The following CACNA2D3 variants were observed in gnomAD, a reference collection of about 807,000 sequenced individuals.
CACNA2D3 encodes voltage-dependent calcium channel subunit alpha-2/delta-3.
CACNA2D3 carries 60 observed loss-of-function variants against 160.6 expected under a neutral mutation model. The observed-to-expected ratio is 0.37, with a 90% CI of 0.30 to 0.46. The LOEUF (loss-of-function observed/expected upper bound fraction) is 0.46. Ranked by LOEUF, CACNA2D3 falls within the 20% of genes least tolerant of loss-of-function variation. CACNA2D3 has a pLI of 1.00. For synonymous variants in CACNA2D3, 558 were observed against 492.9 expected (o/e 1.13, Z -1.75); for missense variants, 1,205 against 1,365.0 (o/e 0.88, Z 1.85).
intron 11 of CACNA2D3, among the ~76,000 whole-genome samples, chr3:54,749,905 C>G (rs544545958): frequency 2.4e-4 from 36 of 152,274 alleles, no homozygotes; most frequent in African/African-American, 8.7e-4. Context: ...AGTACATTAC[C>G]TGACCCAGGG....
chr3:54,221,930 C>T (rs9917812), intron 2 of CACNA2D3, among the ~76,000 whole-genome samples: 13,864 of 151,808 alleles, frequency 0.091, 1,019 homozygotes, highest in East Asian at 0.41. Context: ...TTCACTGCAG[C>T]CTTGAACTCC....
chr3:54,599,306 C>T (rs1703019928), intron 9 of CACNA2D3, among the ~76,000 whole-genome samples: 1 of 152,204 alleles, frequency 6.6e-6, no homozygotes, highest in Non-Finnish European at 1.5e-5. Context: ...TCTAGAAAGA[C>T]TTGCTCAGAA....
intron 9 of CACNA2D3, among the ~76,000 whole-genome samples, chr3:54,626,813 TC>T (rs35054444): frequency 2.0e-5 from 3 of 152,156 alleles, no homozygotes; most frequent in Non-Finnish European, 2.9e-5. Flanking sequence ...ATGCATGTGT[TC>T]CTGGACATGC....
chr3:54,477,722 T>A (rs1162200136), intron 4 of CACNA2D3, among the ~76,000 whole-genome samples: 1 of 152,136 alleles, frequency 6.6e-6, no homozygotes, highest in Non-Finnish European at 1.5e-5. Context: ...GTGTCTGTCT[T>A]CCAACCACAT....
intron 27 of CACNA2D3, among the ~76,000 whole-genome samples, chr3:54,944,136 G>C (rs1399038026): frequency 6.6e-6 from 1 of 152,106 alleles, no homozygotes; most frequent in African/African-American, 2.4e-5. Flanking sequence ...GGTAGGAACA[G>C]GATTGCCCAG....
At chr3:54,496,662 T>C (rs1008055216) in intron 4 of CACNA2D3, among the ~76,000 whole-genome samples, 4 of 152,196 alleles carry the variant, frequency 2.6e-5, no homozygotes, top group Admixed American at 1.3e-4. Context: ...TTCCAAATTA[T>C]CCATTTTTAA....
At chr3:54,271,294 G>T (rs1702617902) in intron 2 of CACNA2D3, among the ~76,000 whole-genome samples, 1 of 151,834 alleles carries the variant, frequency 6.6e-6, no homozygotes, top group Non-Finnish European at 1.5e-5. Flanking sequence ...TCCGCTCACA[G>T]ACCTTGCTAA....
At position 55,007,831 on chromosome 3, in the gene CACNA2D3, A is replaced by C; in HGVS notation, c.2808A>C (p.Thr936=). The part of the protein sequence containing the change: ...AFLSAVKWIM[T]ELVLFLVEFN... ...TCTCTGCAGTAAAATGGATCATGACAGAACTTGTCTTGTAAGTAAAATCTG... is the reference window on the plus strand; with the variant it reads ...TCTCTGCAGTAAAATGGATCATGACCGAACTTGTCTTGTAAGTAAAATCTG... Residue 936 remains threonine, a synonymous_variant, in exon 33 of 38, where the codon ACA becomes ACC. Transcript: ENST00000474759. 1 of 1,555,828 alleles carries C rather than the reference A, an allele frequency of 6.4e-7. No homozygotes were observed. The highest frequency in any genetic ancestry group is 8.7e-7 in the Non-Finnish European group (1 of 1,154,396).
chr3:54,651,657 G>C (rs981966303), intron 11 of CACNA2D3, among the ~76,000 whole-genome samples: 2 of 152,070 alleles, frequency 1.3e-5, no homozygotes, highest in Non-Finnish European at 2.9e-5. Flanking sequence ...ATGCATCTTC[G>C]AGGAGGGGCT....
At chr3:54,585,073 A>G (rs1702736961) in intron 9 of CACNA2D3, among the ~76,000 whole-genome samples, 1 of 152,238 alleles carries the variant, frequency 6.6e-6, no homozygotes, top group Non-Finnish European at 1.5e-5. Context: ...AAATTCAGAA[A>G]GGAGAGAAGA....
chr3:54,922,933 C>G (rs938089229), intron 27 of CACNA2D3, among the ~76,000 whole-genome samples: 2 of 152,128 alleles, frequency 1.3e-5, no homozygotes, highest in Non-Finnish European at 2.9e-5. Flanking sequence ...TTCTCTTAGT[C>G]ATCCACTCCA....
intron 11 of CACNA2D3, among the ~76,000 whole-genome samples, chr3:54,722,816 T>C (rs1701194298): frequency 6.6e-6 from 1 of 152,154 alleles, no homozygotes; most frequent in African/African-American, 2.4e-5. Flanking sequence ...CTCTCCTGTA[T>C]GAGGTGTCTG....
At chr3:54,751,789 C>T (rs1701861215) in intron 11 of CACNA2D3, among the ~76,000 whole-genome samples, 2 of 152,220 alleles carry the variant, frequency 1.3e-5, no homozygotes, top group Non-Finnish European at 2.9e-5. Flanking sequence ...TGGCCACAGG[C>T]TGCACATGGC....
At chr3:54,974,928 G>A (rs1702351669) in intron 29 of CACNA2D3, among the ~76,000 whole-genome samples, 4 of 152,158 alleles carry the variant, frequency 2.6e-5, no homozygotes, top group African/African-American at 9.7e-5. Context: ...TGAGAAAATA[G>A]TTCCCATTTC....
chr3:54,266,883 G>A (rs1025404507), intron 2 of CACNA2D3, among the ~76,000 whole-genome samples: 11 of 152,146 alleles, frequency 7.2e-5, no homozygotes, highest in Admixed American at 2.0e-4. Context: ...GGCAAAGCAG[G>A]CCCTCTTAGG....
intron 35 of CACNA2D3, among the ~76,000 whole-genome samples, chr3:55,037,922 C>T (rs1331618440): frequency 6.6e-6 from 1 of 152,146 alleles, no homozygotes; most frequent in East Asian, 1.9e-4. Context: ...AAGACAGATA[C>T]TGCAGTGAGC....
chr3:54,291,121 A>G (rs1246416252), intron 2 of CACNA2D3, among the ~76,000 whole-genome samples: 1 of 152,244 alleles, frequency 6.6e-6, no homozygotes, highest in East Asian at 1.9e-4. Context: ...GGCAGGTTGC[A>G]TACCAAAATA....
intron 18 of CACNA2D3, among the ~76,000 whole-genome samples, chr3:54,877,398 G>A (rs1156335699): frequency 1.3e-5 from 2 of 152,206 alleles, no homozygotes; most frequent in Admixed American, 1.3e-4. Context: ...AGGATAGCTA[G>A]CATGTATTGA....
chr3:54,516,301 C>T (rs1296933295), intron 5 of CACNA2D3, among the ~76,000 whole-genome samples: 2 of 152,178 alleles, frequency 1.3e-5, no homozygotes, highest in African/African-American at 2.4e-5. Flanking sequence ...CAGGCTGCCC[C>T]GTGTGGCAGT....
Sources: allele counts gnomAD v4.1 joint callset (sites outside exome capture counted in the v4.1 genomes callset), GRCh38; gene constraint gnomAD v4.1.1; transcripts MANE v1.5; gene names NCBI Gene and HGNC (gene_info 2026-07-23, HGNC 2026-07-21).